BBS9: variants seen among roughly 807,000 people sequenced by gnomAD.
BBS9 encodes Bardet-Biedl syndrome 9.
BBS9 carries 89 observed loss-of-function variants against 117.7 expected under a neutral mutation model. The ratio of observed to expected loss-of-function variants is 0.76; its 90% CI spans 0.64 to 0.90. BBS9 has a LOEUF of 0.90. BBS9 is among the 40% of genes least tolerant of loss of function. BBS9 has a pLI of 0.00. For missense variants in BBS9, 982 were observed against 1,042.2 expected (o/e 0.94, Z 0.80); for synonymous variants, 379 against 370.9 (o/e 1.02, Z -0.25).
At chr7:33,517,315 A>G (rs1335674564) in intron 20 of BBS9, among the ~76,000 whole-genome samples, 1 of 152,224 alleles carries the variant, frequency 6.6e-6, no homozygotes, top group Non-Finnish European at 1.5e-5. Context: ...TGCATGTCCC[A>G]TTCCTATCTC....
chr7:33,260,973 G>C (rs1414641187), intron 6 of BBS9, among the ~76,000 whole-genome samples: 1 of 151,970 alleles, frequency 6.6e-6, no homozygotes, highest in African/African-American at 2.4e-5. Context: ...TTAATTGACT[G>C]TTTTAAAAAG....
chr7:33,408,267 C>T (rs201376600), intron 19 of BBS9, among the ~76,000 whole-genome samples: 8 of 152,150 alleles, frequency 5.3e-5, no homozygotes, highest in South Asian at 2.1e-4. Context: ...TCTCCTGGTG[C>T]GCCGTTTCCT....
intron 21 of BBS9, among the ~76,000 whole-genome samples, chr7:33,566,743 CAT>C (rs1347481585): frequency 3.9e-5 from 6 of 151,978 alleles, no homozygotes; most frequent in African/African-American, 7.3e-5. Context: ...TTATAAAACA[CAT>C]ATGTTATTAA....
intron 5 of BBS9, among the ~76,000 whole-genome samples, chr7:33,238,805 TA>T (rs1047805859): frequency 6.6e-6 from 1 of 152,202 alleles, no homozygotes; most frequent in African/African-American, 2.4e-5. Context: ...TTTTCTCACT[TA>T]AAAATATTGT....
chr7:33,598,127 C>G (rs374597932), intron 21 of BBS9, among the ~76,000 whole-genome samples: 2 of 151,880 alleles, frequency 1.3e-5, no homozygotes, highest in East Asian at 3.9e-4. Flanking sequence ...TTCTCTCCTT[C>G]AGGGGCCTCT....
intron 2 of BBS9, 51 bp downstream of exon 2, chr7:33,146,415 A>C (rs954522565): frequency 6.9e-7 from 1 of 1,446,416 alleles, no homozygotes; most frequent in Non-Finnish European, 9.7e-7. Context: ...AAGAGATCAA[A>C]TAAGACTGGG....
intron 21 of BBS9, among the ~76,000 whole-genome samples, chr7:33,589,973 G>A (rs1861576339): frequency 6.6e-6 from 1 of 152,054 alleles, no homozygotes; most frequent in South Asian, 2.1e-4. Context: ...AACCAGCAAA[G>A]AATACTGAAA....
intron 1 of BBS9, among the ~76,000 whole-genome samples, chr7:33,145,015 A>T (rs1021340827): frequency 6.6e-6 from 1 of 152,230 alleles, no homozygotes; most frequent in African/African-American, 2.4e-5. Flanking sequence ...TCAGCAATAC[A>T]TATTAAATAA....
chr7:33,511,530 T>C (rs1846965317), intron 20 of BBS9, among the ~76,000 whole-genome samples: 1 of 152,182 alleles, frequency 6.6e-6, no homozygotes, highest in South Asian at 2.1e-4. Context: ...ATGTCTTTAC[T>C]AGATATTATC....
intron 5 of BBS9, among the ~76,000 whole-genome samples, chr7:33,240,926 C>T (rs1321215534): frequency 9.2e-5 from 14 of 152,056 alleles, no homozygotes; most frequent in Admixed American, 8.5e-4. Context: ...GATACAAAAT[C>T]GAGGTCTGTG....
chr7:33,569,397 A>G (rs778749627), intron 21 of BBS9, among the ~76,000 whole-genome samples: 2 of 152,144 alleles, frequency 1.3e-5, no homozygotes, highest in East Asian at 3.9e-4. Context: ...TTTTTAGTAT[A>G]TACAGATGTG....
intron 19 of BBS9, among the ~76,000 whole-genome samples, chr7:33,502,952 A>G (rs934488981): frequency 3.3e-5 from 5 of 152,170 alleles, no homozygotes; most frequent in African/African-American, 1.2e-4. Flanking sequence ...TCTTTTCTTC[A>G]GTACTCTCTC....
Position 33,605,187 on chromosome 7 carries a change from T to C in BBS9, c.2633-8T>C. 6.2e-7 allele frequency: 1 copy of C among 1,610,480 alleles called. No individual in the cohort carries two copies. The highest frequency in any genetic ancestry group is 8.5e-7 in the Non-Finnish European group (1 of 1,176,672). ...TCTCTCTTTCTCTCTTACTCTCTTT[T>C]TTTCCAGAAGTTTCACCCCTCCAAG... On this transcript the variant is annotated splice_region_variant and splice_polypyrimidine_tract_variant and intron_variant, in intron 22 of 22. Transcript: ENST00000242067.
chr7:33,334,300 C>A (rs1814805629), intron 9 of BBS9, among the ~76,000 whole-genome samples: 1 of 152,130 alleles, frequency 6.6e-6, no homozygotes, highest in Non-Finnish European at 1.5e-5. Flanking sequence ...GTAATGCTAG[C>A]TTTTCTGTAT....
At position 33,340,922 on chromosome 7, in the gene BBS9, AG is replaced by A. The variant is rs1156632656; in HGVS notation, c.1225del (p.Asp409MetfsTer3). On this transcript the variant is annotated frameshift_variant, in exon 11 of 23. Transcript: ENST00000242067. LOFTEE classifies it high-confidence loss of function. Reference protein sequence around the residue: ...QGVWPMTEREDDLNVSVVVSP... With the variant: ...QGVWPMTEREXDLNVSVVVSP... ...GTGTTTGGCCCATGACTGAGAGAGAAGATGACTTGAACGTTTCTGTCGTGGT... is the reference window on the plus strand; with the variant it reads ...GTGTTTGGCCCATGACTGAGAGAGAAATGACTTGAACGTTTCTGTCGTGGT... The A allele has an allele frequency of 1.9e-6, 3 of 1,613,526 alleles. No individual in the cohort carries two copies. The highest frequency in any genetic ancestry group is 2.5e-6 in the Non-Finnish European group (3 of 1,179,664).
intron 19 of BBS9, among the ~76,000 whole-genome samples, chr7:33,417,285 A>G (rs186443288): frequency 6.6e-6 from 1 of 152,326 alleles, no homozygotes; most frequent in African/African-American, 2.4e-5. Flanking sequence ...AAATAAACAC[A>G]GTTTATAGCA....
At chr7:33,566,396 GTA>G (rs1856940463) in intron 21 of BBS9, among the ~76,000 whole-genome samples, 1 of 151,662 alleles carries the variant, frequency 6.6e-6, no homozygotes, top group Non-Finnish European at 1.5e-5. Flanking sequence ...TATACATTAT[GTA>G]TATATATTTT....
At chr7:33,468,553 T>C (rs930927141) in intron 19 of BBS9, among the ~76,000 whole-genome samples, 1 of 152,182 alleles carries the variant, frequency 6.6e-6, no homozygotes, top group Non-Finnish European at 1.5e-5. Flanking sequence ...TCTAGCTATC[T>C]TGAAATATAT....
At chr7:33,338,546 G>A (rs1026036015) in intron 10 of BBS9, among the ~76,000 whole-genome samples, 1 of 152,064 alleles carries the variant, frequency 6.6e-6, no homozygotes, top group African/African-American at 2.4e-5. Context: ...AGGAAGAGTT[G>A]CAGCAAAATT....
Sources: allele counts gnomAD v4.1 joint callset (sites outside exome capture counted in the v4.1 genomes callset), GRCh38; gene constraint gnomAD v4.1.1; transcripts MANE v1.5; gene names NCBI Gene and HGNC (gene_info 2026-07-23, HGNC 2026-07-21).